The following RSU1 variants were observed in gnomAD, a reference collection of about 807,000 sequenced individuals.
The protein encoded by RSU1 is Ras suppressor protein 1.
Under a neutral mutation model 31.1 loss-of-function variants are expected in RSU1, and 26 were observed. The ratio of observed to expected loss-of-function variants is 0.84; its 90% CI spans 0.61 to 1.16. RSU1 has a LOEUF of 1.16. RSU1 is among the 50% of genes most tolerant of loss of function. RSU1 has a pLI of 0.00. For missense variants in RSU1, 320 were observed against 339.1 expected (o/e 0.94, Z 0.44); for synonymous variants, 164 against 136.3 (o/e 1.20, Z -1.41).
chr10:16,659,929 G>A (rs373797850), intron 8 of RSU1, among the ~76,000 whole-genome samples: 1 of 152,128 alleles, frequency 6.6e-6, no homozygotes, highest in Non-Finnish European at 1.5e-5. Context: ...GTTCTGAAAC[G>A]TCTCAGTCTT....
At chr10:16,658,944 C>G (rs1026729461) in intron 8 of RSU1, among the ~76,000 whole-genome samples, 1 of 152,158 alleles carries the variant, frequency 6.6e-6, no homozygotes, top group Non-Finnish European at 1.5e-5. Flanking sequence ...ATTTTGCCAA[C>G]CTGGTACATA....
chr10:16,601,587 C>T (rs1564282287), intron 8 of RSU1, among the ~76,000 whole-genome samples: 3 of 152,156 alleles, frequency 2.0e-5, no homozygotes, highest in South Asian at 2.1e-4. Context: ...CAGGTGACTT[C>T]CCTTCCCAGT....
intron 7 of RSU1, among the ~76,000 whole-genome samples, chr10:16,744,567 C>A (rs1200979823): frequency 6.6e-6 from 1 of 152,138 alleles, no homozygotes; most frequent in Non-Finnish European, 1.5e-5. Flanking sequence ...AAGTACCCAA[C>A]ACTTACTAGG....
At chr10:16,767,823 A>G (rs1411863452) in intron 3 of RSU1, among the ~76,000 whole-genome samples, 3 of 152,348 alleles carry the variant, frequency 2.0e-5, no homozygotes, top group Non-Finnish European at 2.9e-5. Context: ...ATCAAAGTCA[A>G]TCAACTGAAA....
intron 8 of RSU1, among the ~76,000 whole-genome samples, chr10:16,641,219 A>G (rs1237580909): frequency 6.6e-6 from 1 of 152,198 alleles, no homozygotes; most frequent in Non-Finnish European, 1.5e-5. Flanking sequence ...TGACAACACT[A>G]CAGTCCACCA....
chr10:16,715,002 C>T (rs1247642956), intron 7 of RSU1, among the ~76,000 whole-genome samples: 1 of 152,152 alleles, frequency 6.6e-6, no homozygotes, highest in African/African-American at 2.4e-5. Flanking sequence ...TACATTTCCC[C>T]ATAAACAGCA....
intron 8 of RSU1, among the ~76,000 whole-genome samples, chr10:16,609,581 G>GT (rs1833861454): frequency 6.6e-6 from 1 of 152,210 alleles, no homozygotes; most frequent in African/African-American, 2.4e-5. Context: ...CCCGGGCCCC[G>GT]TACGACGACA....
In RSU1 at chr10:16,742,150, G is replaced by A. The variant is rs562558230; in HGVS notation, c.598+10389C>T. Among the ~76,000 whole-genome samples the A allele has an allele frequency of 4.6e-5, 7 of 152,280 alleles. No individual in the cohort carries two copies. In the East Asian group the frequency reaches 1.4e-3, roughly 29 times the overall value. On this transcript the variant is annotated intron_variant, in intron 7 of 8. Transcript: ENST00000345264. The stretch of plus-strand genomic sequence containing the variant: ...CACTCTACGTATGTTGAAAAAATGA[G>A]CATAAGCTTATTTACTAATATTAGA...
chr10:16,749,482 G>A (rs78330104), intron 7 of RSU1, among the ~76,000 whole-genome samples: 3,159 of 152,162 alleles, frequency 0.021, 123 homozygotes, highest in African/African-American at 0.072. Flanking sequence ...AATATACAGC[G>A]AGAGATCATC....
chr10:16,622,611 GA>G (rs202120725), intron 8 of RSU1, among the ~76,000 whole-genome samples: 1 of 151,958 alleles, frequency 6.6e-6, no homozygotes, highest in East Asian at 1.9e-4. Context: ...ATAGATATGG[GA>G]AAAAAAATGT....
At position 16,736,436 on chromosome 10, in the gene RSU1, G is replaced by A. The variant is rs371317672; in HGVS notation, c.598+16103C>T. 7.9e-5 allele frequency among the ~76,000 whole-genome samples: 12 copies of A among 151,572 alleles called. No homozygotes were observed. In the South Asian group the frequency reaches 2.6e-3, roughly 33 times the overall value. ...TAATCCCAGAAGTCTTAAGATTAGG[G>A]TTAATCTAGCCCAGGAGTAAAGACT... On this transcript the variant is annotated intron_variant, in intron 7 of 8. Transcript: ENST00000345264.
intron 8 of RSU1, among the ~76,000 whole-genome samples, chr10:16,619,468 T>C (rs866774471): frequency 2.0e-5 from 3 of 152,128 alleles, no homozygotes; most frequent in African/African-American, 7.2e-5. Flanking sequence ...TCTTGGGAGG[T>C]ACCACTTAAT....
chr10:16,665,008 A>G (rs1025850891), intron 8 of RSU1, among the ~76,000 whole-genome samples: 2 of 151,944 alleles, frequency 1.3e-5, no homozygotes, highest in Non-Finnish European at 2.9e-5. Context: ...CAGTGGCACG[A>G]TCTCAGTTCA....
chr10:16,792,989 T>C (rs1181580935), intron 2 of RSU1, among the ~76,000 whole-genome samples: 3 of 152,250 alleles, frequency 2.0e-5, no homozygotes, highest in African/African-American at 7.2e-5. Context: ...CCCTTGGTAG[T>C]AGGACACAGA....
At chr10:16,799,749 G>A (rs1037743184) in intron 2 of RSU1, among the ~76,000 whole-genome samples, 2 of 152,148 alleles carry the variant, frequency 1.3e-5, no homozygotes, top group African/African-American at 4.8e-5. Context: ...TAGGCTACCT[G>A]GGATTTACCA....
intron 7 of RSU1, among the ~76,000 whole-genome samples, chr10:16,727,934 T>C (rs1836430996): frequency 6.6e-6 from 1 of 151,948 alleles, no homozygotes; most frequent in Admixed American, 6.6e-5. Context: ...CACCACAAAC[T>C]TAAAAAAATT....
chr10:16,599,169 T>C lies in RSU1; in HGVS notation c.732-5673A>G, dbSNP rs145107942. Among the ~76,000 whole-genome samples, 83 of 152,356 alleles carry C rather than the reference T, an allele frequency of 5.4e-4. No individual in the cohort carries two copies. The East Asian group carries it at 0.015, about 27-fold the overall frequency. On this transcript the variant is annotated intron_variant, in intron 8 of 8. Transcript: ENST00000345264. ...ACAGAGGACAGAACAGTCAGTGCCA[T>C]TGAAAGACAACCTATTCCTTGCAGT...
intron 8 of RSU1, among the ~76,000 whole-genome samples, chr10:16,648,320 A>C (rs969931564): frequency 6.6e-6 from 1 of 152,008 alleles, no homozygotes; most frequent in Non-Finnish European, 1.5e-5. Flanking sequence ...CTTCCATCTC[A>C]CAAAGAATGA....
intron 8 of RSU1, among the ~76,000 whole-genome samples, chr10:16,613,638 TGGGAATGTTCCCTTTTCAG>T (rs1199195923): frequency 6.6e-6 from 1 of 152,220 alleles, no homozygotes; most frequent in Non-Finnish European, 1.5e-5. Flanking sequence ...CAGACTTGGC[TGGGAATGTTCCCTTTTCAG>T]GGAAATCTAG....
Sources: allele counts gnomAD v4.1 joint callset (sites outside exome capture counted in the v4.1 genomes callset), GRCh38; gene constraint gnomAD v4.1.1; transcripts MANE v1.5; gene names NCBI Gene and HGNC (gene_info 2026-07-23, HGNC 2026-07-21).